The following NHS variants were observed in gnomAD, a reference collection of about 807,000 sequenced individuals.
The protein encoded by NHS is actin remodeling regulator NHS.
NHS carries 5 observed loss-of-function variants against 72.5 expected under a neutral mutation model. That is an observed-to-expected ratio of 0.07 (90% CI 0.04 to 0.14). The LOEUF is 0.14. Among genes scored for constraint, NHS ranks in the 10% least tolerant of loss-of-function variants. The pLI is 1.00. For missense variants in NHS, 1,072 were observed against 1,355.7 expected (o/e 0.79, Z 3.29); for synonymous variants, 464 against 547.7 (o/e 0.85, Z 2.13).
At chrX:17,566,695 T>TG (rs2065445810) in intron 1 of NHS, among the ~76,000 whole-genome samples, 1 of 111,566 alleles carries the variant, frequency 9.0e-6, no homozygotes, top group Non-Finnish European at 1.9e-5. Context: ...GTTTGTTTTT[T>TG]TTTTTTTTTA....
At chrX:17,667,189 C>T (rs751583970) in intron 1 of NHS, among the ~76,000 whole-genome samples, 11 of 112,498 alleles carry the variant, frequency 9.8e-5, no homozygotes, top group Non-Finnish European at 1.3e-4. Flanking sequence ...TTTATAATCT[C>T]GTGGCTCACT....
intron 1 of NHS, among the ~76,000 whole-genome samples, chrX:17,654,449 C>T (rs1159142245): frequency 8.9e-6 from 1 of 112,698 alleles, no homozygotes; most frequent in Non-Finnish European, 1.9e-5. Context: ...CTAACCCAGA[C>T]TGACTTGGGT....
intron 1 of NHS, among the ~76,000 whole-genome samples, chrX:17,549,330 A>C (rs1216267676): frequency 9.1e-6 from 1 of 109,839 alleles, no homozygotes; most frequent in Non-Finnish European, 1.9e-5. Context: ...TTTTTCCTTT[A>C]AGTACTACTT....
rs755349633 is a variant in NHS, at chrX:17,726,449, G to A, written c.2343G>A (p.Thr781=). Residue 781 remains threonine (T), a synonymous_variant, in exon 7 of 9, where the codon ACG becomes ACA. Coordinates refer to ENST00000676302, the MANE Select transcript of NHS (RefSeq NM_001291867.2). ...ADTSSHFSVD[T]EGYYTSMHFD... is the part of the protein sequence containing the mutation. Reference sequence around the variant, plus strand: ...CTAGCTCTCACTTTTCAGTAGACACGGAAGGATACTATACCTCCATGCACT... The same window carrying A: ...CTAGCTCTCACTTTTCAGTAGACACAGAAGGATACTATACCTCCATGCACT... The A allele has an allele frequency of 8.8e-5, 107 of 1,210,450 alleles. No homozygotes were observed. The highest frequency in any genetic ancestry group is 1.1e-4 in the Non-Finnish European group (96 of 895,267).
chrX:17,695,664 C>G (rs1362684371), intron 3 of NHS, among the ~76,000 whole-genome samples: 1 of 111,417 alleles, frequency 9.0e-6, no homozygotes, highest in African/African-American at 3.3e-5. Context: ...AAAGTGTCAT[C>G]TGTCTGGTGG....
intron 1 of NHS, among the ~76,000 whole-genome samples, chrX:17,560,763 C>A (rs2065408205): frequency 8.9e-6 from 1 of 112,231 alleles, no homozygotes; most frequent in Non-Finnish European, 1.9e-5. Context: ...TGGAACAAAG[C>A]CTCCTATTGT....
chrX:17,597,116 GTTTTTTTT>G (rs59820959), intron 1 of NHS, among the ~76,000 whole-genome samples: 1 of 83,263 alleles, frequency 1.2e-5, no homozygotes, highest in Admixed American at 1.4e-4. Flanking sequence ...CTATTCTTCC[GTTTTTTTT>G]TTTTTTTTTT....
chrX:17,725,646 G>C lies in NHS; in HGVS notation c.1540G>C (p.Gly514Arg). 1 of 1,211,644 alleles carries C rather than the reference G, an allele frequency of 8.3e-7. No homozygotes were observed. Among genetic ancestry groups the C allele is most frequent in the Non-Finnish European group, 1.1e-6 (1 of 895,543 alleles). Residue 514 changes from glycine to arginine, a missense_variant, in exon 7 of 9, where the codon GGT (glycine) becomes CGT (arginine). Physicochemically the swap from Gly to Arg is moderately radical, Grantham distance 125. Transcript: ENST00000676302. ...GAGCCTTCCCCGGGAAGGTAATAGA[G>C]GTGGGGATGCTGAGCCCAAAGTTGG... is the stretch of plus-strand genomic sequence containing the variant. ...SRSLPREGNR[G>R]GDAEPKVGAK... is the part of the protein sequence containing the mutation.
intron 1 of NHS, among the ~76,000 whole-genome samples, chrX:17,565,389 A>C (rs1301924875): frequency 8.9e-6 from 1 of 112,673 alleles, no homozygotes; most frequent in Non-Finnish European, 1.9e-5. Flanking sequence ...GTATGCACAT[A>C]ATCATGAGAA....
chrX:17,556,280 G>C (rs990038105), intron 1 of NHS, among the ~76,000 whole-genome samples: 5 of 112,933 alleles, frequency 4.4e-5, no homozygotes, highest in African/African-American at 1.6e-4. Flanking sequence ...CAAGATGAGA[G>C]AAGATTTTCT....
chrX:17,695,161 C>T (rs1345936773), intron 3 of NHS, among the ~76,000 whole-genome samples: 1 of 111,981 alleles, frequency 8.9e-6, no homozygotes, highest in Non-Finnish European at 1.9e-5. Context: ...AATTGTTACA[C>T]TCTTTCTAGA....
chrX:17,629,729 TG>T (rs754472850), intron 1 of NHS, among the ~76,000 whole-genome samples: 5 of 111,939 alleles, frequency 4.5e-5, no homozygotes, highest in African/African-American at 1.6e-4. Flanking sequence ...CAAGCAAGCT[TG>T]GGCAGCAATC....
At chrX:17,574,346 G>A (rs890291394) in intron 1 of NHS, among the ~76,000 whole-genome samples, 1 of 112,148 alleles carries the variant, frequency 8.9e-6, no homozygotes, top group African/African-American at 3.2e-5. Context: ...CCCAGTTCGA[G>A]CTTCCCTGCC....
intron 1 of NHS, among the ~76,000 whole-genome samples, chrX:17,447,707 C>T (rs1189848440): frequency 3.7e-5 from 4 of 108,969 alleles, no homozygotes; most frequent in African/African-American, 1.3e-4. Context: ...AACAAATAGA[C>T]ACAGTATTAG....
chrX:17,571,337 C>G (rs2065476977), intron 1 of NHS, among the ~76,000 whole-genome samples: 1 of 112,351 alleles, frequency 8.9e-6, no homozygotes, highest in South Asian at 3.7e-4. Flanking sequence ...ATTATTGCCT[C>G]AATTTCAGAA....
intron 1 of NHS, among the ~76,000 whole-genome samples, chrX:17,408,005 A>G (rs2064537453): frequency 9.0e-6 from 1 of 110,955 alleles, no homozygotes; most frequent in Non-Finnish European, 1.9e-5. Flanking sequence ...CAGTATATGT[A>G]TTTTTGTTGT....
intron 1 of NHS, among the ~76,000 whole-genome samples, chrX:17,563,166 G>A (rs1385422602): frequency 8.9e-6 from 1 of 112,736 alleles, no homozygotes; most frequent in African/African-American, 3.2e-5. Flanking sequence ...GAAACTGACA[G>A]AGCCTGTTCT....
chrX:17,482,415 T>C (rs2064949828), intron 1 of NHS, among the ~76,000 whole-genome samples: 2 of 112,470 alleles, frequency 1.8e-5, no homozygotes, highest in African/African-American at 6.5e-5. Flanking sequence ...AGCAAAATTG[T>C]TTACTTCCTA....
chrX:17,642,463 C>T (rs1293335254), intron 1 of NHS, among the ~76,000 whole-genome samples: 2 of 111,822 alleles, frequency 1.8e-5, no homozygotes, highest in African/African-American at 6.5e-5. Context: ...GGACATGATG[C>T]TATTACCACA....
Sources: gnomAD v4.1 joint callset for allele counts (sites outside exome capture counted in the v4.1 genomes callset) on GRCh38, gnomAD v4.1.1 for gene constraint, MANE v1.5 for transcripts, NCBI Gene and HGNC (gene_info 2026-07-23, HGNC 2026-07-21) for gene names.